PKIA: variants seen among roughly 807,000 people sequenced by gnomAD.
The protein encoded by PKIA is PKI-alpha.
A neutral mutation model predicts 7.6 loss-of-function variants in PKIA; 4 were observed. The observed-to-expected ratio is 0.52, with a 90% confidence interval of 0.26 to 1.20. The LOEUF (loss-of-function observed/expected upper bound fraction) is 1.20. PKIA is among the 50% of genes most tolerant of loss of function. The pLI is 0.13. For missense variants in PKIA, 73 were observed against 86.2 expected (o/e 0.85, Z 0.61); for synonymous variants, 21 against 30.7 (o/e 0.68, Z 1.04).
chr8:78,551,302 T>C (rs1044779372), intron 1 of PKIA, among the ~76,000 whole-genome samples: 4 of 152,002 alleles, frequency 2.6e-5, no homozygotes, highest in East Asian at 3.9e-4. Context: ...CCAGTGAAGA[T>C]AGGAAAAGGA....
chr8:78,582,041 G>A (rs1807823803), intron 2 of PKIA, among the ~76,000 whole-genome samples: 1 of 151,988 alleles, frequency 6.6e-6, no homozygotes, highest in African/African-American at 2.4e-5. Flanking sequence ...CAAAAGACAA[G>A]TCATCCCTGA....
chr8:78,538,020 T>C (rs1456939747), intron 1 of PKIA, among the ~76,000 whole-genome samples: 2 of 152,004 alleles, frequency 1.3e-5, no homozygotes, highest in Non-Finnish European at 2.9e-5. Flanking sequence ...TGATAAACTT[T>C]TTCTTTCTCT....
At chr8:78,560,660 G>A (rs1241747319) in intron 1 of PKIA, among the ~76,000 whole-genome samples, 1 of 152,158 alleles carries the variant, frequency 6.6e-6, no homozygotes, top group Non-Finnish European at 1.5e-5. Flanking sequence ...TTTAACTATG[G>A]CCTTGATATT....
intron 1 of PKIA, among the ~76,000 whole-genome samples, chr8:78,559,169 G>T (rs545927170): frequency 2.2e-4 from 33 of 152,212 alleles, no homozygotes; most frequent in South Asian, 6.2e-4. Flanking sequence ...TGATCCACCC[G>T]CCTCGGCCTC....
intron 1 of PKIA, among the ~76,000 whole-genome samples, chr8:78,557,637 A>C (rs1807173628): frequency 6.6e-6 from 1 of 152,154 alleles, no homozygotes; most frequent in African/African-American, 2.4e-5. Flanking sequence ...ATGTTCTCTT[A>C]ATATTCATAA....
chr8:78,589,241 GAA>G (rs1808035090), intron 2 of PKIA, among the ~76,000 whole-genome samples: 1 of 151,952 alleles, frequency 6.6e-6, no homozygotes, highest in African/African-American at 2.4e-5. Context: ...TGGAGAGTAA[GAA>G]AGCAAGATAC....
At chr8:78,568,446 A>C (rs752327015) in intron 1 of PKIA, among the ~76,000 whole-genome samples, 20 of 152,264 alleles carry the variant, frequency 1.3e-4, no homozygotes, top group Non-Finnish European at 2.2e-4. Flanking sequence ...TTTAACATTA[A>C]TAGACCACCG....
chr8:78,552,450 G>GT (rs1235612380), intron 1 of PKIA, among the ~76,000 whole-genome samples: 2 of 151,604 alleles, frequency 1.3e-5, no homozygotes, highest in Non-Finnish European at 1.5e-5. Context: ...TTATGCTCCC[G>GT]TGAGTCAAAA....
At chr8:78,582,173 G>GTTTTTT (rs112095411) in intron 2 of PKIA, among the ~76,000 whole-genome samples, 48 of 129,710 alleles carry the variant, frequency 3.7e-4, no homozygotes, top group Middle Eastern at 3.8e-3. Flanking sequence ...AATATTTCGT[G>GTTTTTT]TTTTTTTTTT....
At chr8:78,524,717 G>A (rs1297514282) in intron 1 of PKIA, among the ~76,000 whole-genome samples, 3 of 151,832 alleles carry the variant, frequency 2.0e-5, no homozygotes, top group Non-Finnish European at 4.4e-5. Context: ...GCATGAAAAA[G>A]TAGCATTTGA....
intron 1 of PKIA, among the ~76,000 whole-genome samples, chr8:78,538,667 C>T (rs999536128): frequency 5.3e-5 from 8 of 151,940 alleles, no homozygotes; most frequent in African/African-American, 7.2e-5. Flanking sequence ...TCTTGGTGTG[C>T]GCTGAGGTAA....
intron 2 of PKIA, among the ~76,000 whole-genome samples, chr8:78,596,405 A>G (rs1393085955): frequency 2.0e-5 from 3 of 151,290 alleles, no homozygotes; most frequent in Non-Finnish European, 2.9e-5. Flanking sequence ...AGGCCTAGCT[A>G]ATTTTTGTAT....
chr8:78,524,068 T>G (rs1431699432), intron 1 of PKIA, among the ~76,000 whole-genome samples: 3 of 78,302 alleles, frequency 3.8e-5, no homozygotes, highest in African/African-American at 2.7e-4. Flanking sequence ...ACATTTATAT[T>G]TATATATAAA....
rs1265811045 is a variant in PKIA at position 78,572,798 on chromosome 8, A to G, written c.-156-13A>G. ...ACAGATAATTTCCCTTTCTCTTGCTATCTGCATTTCAGTTTCCTGACTTTC... is the reference window on the plus strand; with the variant it reads ...ACAGATAATTTCCCTTTCTCTTGCTGTCTGCATTTCAGTTTCCTGACTTTC... On this transcript the variant is annotated splice_polypyrimidine_tract_variant and intron_variant, in intron 1 of 3. Transcript: ENST00000396418. 2 of 147,690 alleles carry G rather than the reference A, an allele frequency of 1.4e-5. No homozygotes were observed. Among genetic ancestry groups the G allele is most frequent in the Admixed American group, 6.7e-5 (1 of 14,844 alleles). 9.1% of individuals were successfully genotyped at this position (147,690 alleles called of 1,614,324 possible). A position where few individuals can be genotyped will look rare whatever the true frequency, so the allele number is the denominator to read the frequency against.
At chr8:78,541,807 C>CTTTTT (rs780479329) in intron 1 of PKIA, among the ~76,000 whole-genome samples, 1 of 134,238 alleles carries the variant, frequency 7.4e-6, no homozygotes, top group African/African-American at 2.8e-5. Flanking sequence ...TTGGATTTCT[C>CTTTTT]TTTTTTTTTT....
intron 2 of PKIA, among the ~76,000 whole-genome samples, chr8:78,582,057 A>G (rs151005770): frequency 3.3e-5 from 5 of 152,178 alleles, no homozygotes; most frequent in Admixed American, 6.6e-5. Context: ...CCTGAGTCAG[A>G]TAATCCTTCT....
chr8:78,528,056 T>A (rs1448144246), intron 1 of PKIA, among the ~76,000 whole-genome samples: 1 of 152,102 alleles, frequency 6.6e-6, no homozygotes, highest in African/African-American at 2.4e-5. Flanking sequence ...CCATGGGACA[T>A]TTCAGTTCTT....
chr8:78,553,738 T>A (rs1221837223), intron 1 of PKIA, among the ~76,000 whole-genome samples: 1 of 2,476 alleles, frequency 4.0e-4, no homozygotes, highest in Non-Finnish European at 1.8e-3. Context: ...AACAACTGGA[T>A]TTTTTTTTTT....
chr8:78,594,215 C>T (rs1478175860), intron 2 of PKIA, among the ~76,000 whole-genome samples: 1 of 152,036 alleles, frequency 6.6e-6, no homozygotes, highest in Non-Finnish European at 1.5e-5. Flanking sequence ...GTTTTGAGGG[C>T]TAAATCTACT....
Sources: gnomAD v4.1 joint callset for allele counts (sites outside exome capture counted in the v4.1 genomes callset) on GRCh38, gnomAD v4.1.1 for gene constraint, MANE v1.5 for transcripts, NCBI Gene and HGNC (gene_info 2026-07-23, HGNC 2026-07-21) for gene names.